Variants in ADAMTSL1 observed in about 807,000 individuals in gnomAD.
ADAMTSL1 encodes the protein ADAMTS-like protein 1.
Under a neutral mutation model 201.8 loss-of-function variants are expected in ADAMTSL1, and 126 were observed. The observed-to-expected ratio is 0.62, with a 90% CI of 0.54 to 0.72. The LOEUF (loss-of-function observed/expected upper bound fraction) is 0.72, where lower values mean the gene tolerates loss of function less well. Ranked by LOEUF, ADAMTSL1 falls within the 30% of genes least tolerant of loss-of-function variation. ADAMTSL1 has a pLI of 0.00. For missense variants in ADAMTSL1, 2,679 were observed against 2,277.8 expected (o/e 1.18, Z -3.59); for synonymous variants, 1,121 against 903.4 (o/e 1.24, Z -4.32).
chr9:18,079,860 T>C (rs1034980424), intron 1 of ADAMTSL1, among the ~76,000 whole-genome samples: 2 of 152,134 alleles, frequency 1.3e-5, no homozygotes, highest in African/African-American at 4.8e-5. Context: ...GGTGATTTTG[T>C]TGAGGGACTT....
At chr9:18,760,837 C>T (rs1182287917) in intron 16 of ADAMTSL1, among the ~76,000 whole-genome samples, 2 of 152,252 alleles carry the variant, frequency 1.3e-5, no homozygotes, top group East Asian at 3.8e-4. Context: ...CCAGCATCCT[C>T]ATCTCCCTGG....
upstream of ADAMTSL1, among the ~76,000 whole-genome samples, chr9:18,470,967 T>C (rs1453185080): frequency 6.6e-6 from 1 of 152,200 alleles, no homozygotes; most frequent in African/African-American, 2.4e-5. Context: ...TTAATTTAGA[T>C]ACCTGAAGAG....
intron 21 of ADAMTSL1, among the ~76,000 whole-genome samples, chr9:18,818,884 T>A (rs1824026896): frequency 6.6e-6 from 1 of 152,182 alleles, no homozygotes; most frequent in Non-Finnish European, 1.5e-5. Context: ...TTTGTGATGT[T>A]TCCCTTCCAG....
At chr9:18,658,048 C>T (rs1212901791) in intron 8 of ADAMTSL1, among the ~76,000 whole-genome samples, 5 of 151,064 alleles carry the variant, frequency 3.3e-5, no homozygotes, top group African/African-American at 9.7e-5. Flanking sequence ...CATCTCGGCT[C>T]GCTGCAAGCT....
intron 7 of ADAMTSL1, among the ~76,000 whole-genome samples, chr9:18,655,806 TAAA>T (rs56662538): frequency 2.2e-3 from 176 of 81,820 alleles, no homozygotes; most frequent in African/African-American, 9.7e-3. Context: ...TTTGTGAGCT[TAAA>T]AAAAAAAAAA....
chr9:17,991,981 T>A (rs1456096815), intron 1 of ADAMTSL1, among the ~76,000 whole-genome samples: 2 of 152,082 alleles, frequency 1.3e-5, no homozygotes. Flanking sequence ...CACCAGGGGC[T>A]TGGTGCTACC....
chr9:18,413,356 G>C (rs1818534626), intron 2 of ADAMTSL1, among the ~76,000 whole-genome samples: 1 of 151,852 alleles, frequency 6.6e-6, no homozygotes, highest in South Asian at 2.1e-4. Flanking sequence ...GTAGAGATGG[G>C]GTTTCACCAT....
At chr9:18,622,554 G>A in intron 5 of ADAMTSL1, 185 bp downstream of exon 5, 1 of 822,676 alleles carries the variant, frequency 1.2e-6, no homozygotes, top group East Asian at 2.7e-5. Flanking sequence ...GTTACCAGCT[G>A]CAGTCCCAAA....
At chr9:18,792,146 C>T (rs1214157607) in intron 19 of ADAMTSL1, among the ~76,000 whole-genome samples, 2 of 152,078 alleles carry the variant, frequency 1.3e-5, no homozygotes, top group African/African-American at 2.4e-5. Context: ...ATCATGTGCC[C>T]CTCTCACTCC....
At chr9:18,766,135 C>T (rs1277496005) in intron 16 of ADAMTSL1, among the ~76,000 whole-genome samples, 1 of 152,180 alleles carries the variant, frequency 6.6e-6, no homozygotes, top group African/African-American at 2.4e-5. Context: ...CAACGCTTCT[C>T]TTGCTCTGCT....
chr9:18,127,818 C>G (rs1249111897), intron 1 of ADAMTSL1, among the ~76,000 whole-genome samples: 1 of 152,150 alleles, frequency 6.6e-6, no homozygotes, highest in Non-Finnish European at 1.5e-5. Flanking sequence ...TTGTTTAAAG[C>G]AAAGACTACC....
At chr9:18,165,018 T>C (rs571809167) in intron 2 of ADAMTSL1, among the ~76,000 whole-genome samples, 21 of 152,070 alleles carry the variant, frequency 1.4e-4, no homozygotes, top group Non-Finnish European at 2.9e-4. Context: ...GGTGCTATAA[T>C]ACATTTTCAT....
chr9:18,511,020 A>G (rs1264108232), intron 2 of ADAMTSL1, among the ~76,000 whole-genome samples: 1 of 152,142 alleles, frequency 6.6e-6, no homozygotes, highest in African/African-American at 2.4e-5. Flanking sequence ...GAAGTTCCAA[A>G]TGCATAAGAC....
rs941197433 is a variant in ADAMTSL1, at chr9:18,536,714, C to G, written c.237+3422C>G. Among the ~76,000 whole-genome samples, 54 of 152,244 alleles carry G rather than the reference C, an allele frequency of 3.5e-4. 1 individual carries two copies. Among genetic ancestry groups the G allele is most frequent in the African/African-American group, 1.3e-3 (53 of 41,566 alleles). On this transcript the variant is annotated intron_variant, in intron 3 of 28. Coordinates refer to ENST00000380548, the MANE Select transcript of ADAMTSL1 (RefSeq NM_001040272.6). ...GGTGCTCCATCTCTGGAAGGAAAGA[C>G]AAAGATGCTATTGGTAGAAAATAGG...
Position 18,717,087 on chromosome 9 carries a change from G to C in ADAMTSL1, c.1877-4449G>C, listed in dbSNP as rs893207078. ...ACATCACACTCTGGGGACTGTGGTG[G>C]GGTGGGGGGACGGGGGAGGGATAGC... On this transcript the variant is annotated intron_variant, in intron 14 of 28. Transcript: ENST00000380548. 1.6e-4 allele frequency among the ~76,000 whole-genome samples: 24 copies of C among 147,408 alleles called. 2 individuals are homozygous for C. The highest frequency in any genetic ancestry group is 1.3e-3 in the Admixed American group (19 of 14,682).
chr9:18,465,225 G>C (rs1229065358), intron 2 of ADAMTSL1, among the ~76,000 whole-genome samples: 1 of 152,176 alleles, frequency 6.6e-6, no homozygotes, highest in Non-Finnish European at 1.5e-5. Context: ...CAAGCTTGTA[G>C]CTTTCTGATT....
intron 2 of ADAMTSL1, among the ~76,000 whole-genome samples, chr9:18,267,594 T>G (rs921854424): frequency 6.6e-6 from 1 of 152,134 alleles, no homozygotes; most frequent in African/African-American, 2.4e-5. Context: ...AGGAAAGCAC[T>G]CTACGAAAAC....
At chr9:17,938,298 A>G (rs1397562147) in intron 1 of ADAMTSL1, among the ~76,000 whole-genome samples, 1 of 152,116 alleles carries the variant, frequency 6.6e-6, no homozygotes, top group Non-Finnish European at 1.5e-5. Context: ...CTCGTTTCAC[A>G]TGGGTTCTTG....
chr9:18,517,993 C>G (rs1039438101), intron 2 of ADAMTSL1, among the ~76,000 whole-genome samples: 1 of 152,086 alleles, frequency 6.6e-6, no homozygotes, highest in African/African-American at 2.4e-5. Flanking sequence ...TTCTTTCCTT[C>G]CCTCCTTCTA....
Sources: gnomAD v4.1 joint callset for allele counts (sites outside exome capture counted in the v4.1 genomes callset) on GRCh38, gnomAD v4.1.1 for gene constraint, MANE v1.5 for transcripts, NCBI Gene and HGNC (gene_info 2026-07-23, HGNC 2026-07-21) for gene names.